Variants in VPS37A observed in about 807,000 individuals in gnomAD.
The protein encoded by VPS37A is vacuolar protein sorting-associated protein 37A.
Under a neutral mutation model 49.8 loss-of-function variants are expected in VPS37A, and 30 were observed. The ratio of observed to expected loss-of-function variants is 0.60; its 90% CI spans 0.45 to 0.82. The LOEUF is 0.82. Among genes scored for constraint, VPS37A ranks in the 40% least tolerant of loss-of-function variants. The pLI is 0.00. For synonymous variants in VPS37A, 195 were observed against 160.6 expected, an observed-to-expected ratio of 1.21 and a Z score of -1.62; for missense variants, 593 against 464.4, an observed-to-expected ratio of 1.28 and a Z score of -2.55.
chr8:17,248,507 C>T, intron 1 of VPS37A: 1 of 375,780 alleles, frequency 2.7e-6, no homozygotes, highest in South Asian at 1.9e-5. Flanking sequence ...AACTCCTGAC[C>T]TTAGATTATC....
chr8:17,248,802 A>T (rs1811707698), intron 1 of VPS37A, among the ~76,000 whole-genome samples: 1 of 152,166 alleles, frequency 6.6e-6, no homozygotes, highest in Non-Finnish European at 1.5e-5. Flanking sequence ...AACTTTCAAA[A>T]GGTGAAATTT....
the VPS37A span, among the ~76,000 whole-genome samples, chr8:17,327,383 A>T: frequency 6.6e-6 from 1 of 152,108 alleles, no homozygotes; most frequent in African/African-American, 2.4e-5. Flanking sequence ...TGATCCTCCC[A>T]CATCAGCTTC....
chr8:17,317,485 T>G, the VPS37A span, among the ~76,000 whole-genome samples: 1 of 152,040 alleles, frequency 6.6e-6, no homozygotes, highest in Non-Finnish European at 1.5e-5. Context: ...GTTTTTGGCC[T>G]GGAATTCCCC....
downstream of VPS37A, among the ~76,000 whole-genome samples, chr8:17,303,988 T>A (rs1188046203): frequency 6.6e-6 from 1 of 152,222 alleles, no homozygotes; most frequent in Non-Finnish European, 1.5e-5. Flanking sequence ...TGCCTTTTTG[T>A]TGTATAACGG....
intron 1 of VPS37A, chr8:17,248,304 GC>G: frequency 2.4e-6 from 1 of 417,560 alleles, no homozygotes; most frequent in Non-Finnish European, 4.6e-6. Flanking sequence ...CTCTCCTGTT[GC>G]CCAGGCTGGA....
intron 6 of VPS37A, 100 bp from the exon 7 acceptor site, chr8:17,279,928 A>C: frequency 6.7e-7 from 1 of 1,481,650 alleles, no homozygotes; most frequent in Non-Finnish European, 9.4e-7. Context: ...AATTATTTAG[A>C]ACCCTATCAG....
downstream of VPS37A, among the ~76,000 whole-genome samples, chr8:17,302,704 C>CT (rs1554504069): frequency 2.4e-4 from 3 of 12,616 alleles, 1 homozygote; most frequent in Non-Finnish European, 1.2e-3. Flanking sequence ...TTGGCAATAA[C>CT]CCCCCCCCCC....
the VPS37A span, among the ~76,000 whole-genome samples, chr8:17,311,018 G>C: frequency 6.6e-6 from 1 of 152,066 alleles, no homozygotes; most frequent in Non-Finnish European, 1.5e-5. Context: ...ACAACAAAAG[G>C]CTGTGAAATT....
At chr8:17,303,303 T>C (rs1817247218), downstream of VPS37A, among the ~76,000 whole-genome samples, 2 of 152,142 alleles carry the variant, frequency 1.3e-5, no homozygotes, top group South Asian at 4.2e-4. Context: ...TTGTTTAGTA[T>C]GATAGAATAT....
chr8:17,311,711 T>A, the VPS37A span: 1 of 1,599,984 alleles, frequency 6.3e-7, no homozygotes, highest in Admixed American at 1.7e-5. Flanking sequence ...ACAGCCAGGT[T>A]TGACTGTATA....
At position 17,268,276 on chromosome 8, in the gene VPS37A, T is replaced by G; in HGVS notation, c.219T>G (p.Phe73Leu). Residue 73 changes from phenylalanine to leucine, a missense_variant, in exon 3 of 12, where the codon TTT becomes TTG. Phe to Leu is a conservative substitution (Grantham distance 22). Transcript: ENST00000324849. ...ININILLPPQ[F>L]PQEKPVISVY... ...CTACCAGATTGCTTCCTCCACAGTT[T>G]CCTCAGGAAAAACCAGTGATCAGTG... 6.2e-7 allele frequency: 1 copy of G among 1,612,558 alleles called. No homozygotes were observed. Among genetic ancestry groups the G allele is most frequent in the Non-Finnish European group, 8.5e-7 (1 of 1,179,642 alleles).
chr8:17,251,692 T>C (rs1811996005), intron 1 of VPS37A, among the ~76,000 whole-genome samples: 1 of 152,236 alleles, frequency 6.6e-6, no homozygotes, highest in Non-Finnish European at 1.5e-5. Context: ...ATTATTATCT[T>C]GCACACAGGA....
chr8:17,319,122 T>A, the VPS37A span, among the ~76,000 whole-genome samples: 1 of 152,192 alleles, frequency 6.6e-6, no homozygotes, highest in Non-Finnish European at 1.5e-5. Flanking sequence ...GATATACGCA[T>A]GGGCAATAGC....
the VPS37A span, chr8:17,309,382 C>G: frequency 8.5e-7 from 1 of 1,175,224 alleles, no homozygotes; most frequent in Non-Finnish European, 1.3e-6. Flanking sequence ...AATAAGAGAC[C>G]ACACAACCAA....
At chr8:17,330,351 G>A in the VPS37A span, among the ~76,000 whole-genome samples, 1 of 152,058 alleles carries the variant, frequency 6.6e-6, no homozygotes, top group Admixed American at 6.5e-5. Context: ...AGCGCAGACA[G>A]TGCATGGACA....
At chr8:17,261,898 G>A (rs1412394035) in intron 1 of VPS37A, among the ~76,000 whole-genome samples, 1 of 152,144 alleles carries the variant, frequency 6.6e-6, no homozygotes, top group Non-Finnish European at 1.5e-5. Flanking sequence ...GTTGAGGATG[G>A]TAGTCTTGCC....
intron 4 of VPS37A, among the ~76,000 whole-genome samples, chr8:17,273,225 A>G (rs1408572136): frequency 2.0e-5 from 3 of 151,722 alleles, no homozygotes; most frequent in Non-Finnish European, 4.4e-5. Context: ...AGCCCATCCT[A>G]CTTCATTGCC....
the VPS37A span, among the ~76,000 whole-genome samples, chr8:17,330,752 G>T: frequency 6.6e-6 from 1 of 152,148 alleles, no homozygotes; most frequent in Non-Finnish European, 1.5e-5. Flanking sequence ...CCTTCGAATG[G>T]CCATTCAGCA....
chr8:17,302,190 A>G (rs373353287), downstream of VPS37A: 1 of 1,613,974 alleles, frequency 6.2e-7, no homozygotes, highest in African/African-American at 1.3e-5. Flanking sequence ...CTAGCTGCTG[A>G]GTTTCTTCCT....
Sources: gnomAD v4.1 joint callset for allele counts (sites outside exome capture counted in the v4.1 genomes callset) on GRCh38, gnomAD v4.1.1 for gene constraint, MANE v1.5 for transcripts, NCBI Gene and HGNC (gene_info 2026-07-23, HGNC 2026-07-21) for gene names.